The following SORCS1 variants were observed in gnomAD, a reference collection of about 807,000 sequenced individuals.
SORCS1 encodes the protein sortilin related VPS10 domain containing receptor 1, also known as VPS10 domain-containing receptor SorCS1.
SORCS1 carries 60 observed loss-of-function variants against 146.1 expected under a neutral mutation model. That is an observed-to-expected ratio of 0.41 (90% confidence interval 0.33 to 0.51). SORCS1 has a LOEUF of 0.51. Among genes scored for constraint, SORCS1 ranks in the 20% least tolerant of loss-of-function variants. The pLI is 0.21. For missense variants in SORCS1, 1,352 were observed against 1,487.6 expected, an observed-to-expected ratio of 0.91 and a Z score of 1.50; for synonymous variants, 637 against 584.0, an observed-to-expected ratio of 1.09 and a Z score of -1.31.
intron 5 of SORCS1, among the ~76,000 whole-genome samples, chr10:106,740,712 C>A (rs778343127): frequency 6.6e-6 from 1 of 152,226 alleles, no homozygotes; most frequent in Non-Finnish European, 1.5e-5. Flanking sequence ...GGCCACAAGG[C>A]TGTGCTCTTG....
chr10:106,827,103 C>G (rs970450684), intron 3 of SORCS1, among the ~76,000 whole-genome samples: 1 of 152,090 alleles, frequency 6.6e-6, no homozygotes. Flanking sequence ...TTGAGCATCT[C>G]ACTCCTTAAG....
At chr10:106,754,786 T>G (rs532668589) in intron 5 of SORCS1, among the ~76,000 whole-genome samples, 47 of 152,196 alleles carry the variant, frequency 3.1e-4, no homozygotes, top group Non-Finnish European at 5.7e-4. Context: ...CCTTGAAACA[T>G]AGCTGGCATT....
At chr10:107,152,935 G>A (rs1968945448) in intron 1 of SORCS1, among the ~76,000 whole-genome samples, 1 of 151,904 alleles carries the variant, frequency 6.6e-6, no homozygotes, top group African/African-American at 2.4e-5. Context: ...CTTTGCCTGT[G>A]GTCTCTCCGT....
At chr10:106,852,315 A>T (rs1949615981) in intron 2 of SORCS1, among the ~76,000 whole-genome samples, 1 of 152,116 alleles carries the variant, frequency 6.6e-6, no homozygotes, top group East Asian at 1.9e-4. Context: ...GGTATTTTGT[A>T]GATGTTTCTT....
intron 19 of SORCS1, among the ~76,000 whole-genome samples, chr10:106,623,438 G>T (rs1418213143): frequency 6.6e-6 from 1 of 151,924 alleles, no homozygotes; most frequent in Non-Finnish European, 1.5e-5. Flanking sequence ...TAGAGACAGG[G>T]TTTCACCATG....
At chr10:106,692,883 G>T (rs1439295268) in intron 9 of SORCS1, among the ~76,000 whole-genome samples, 2 of 151,724 alleles carry the variant, frequency 1.3e-5, no homozygotes, top group African/African-American at 4.8e-5. Context: ...ATACTAATAT[G>T]TTATTTACTA....
In SORCS1 at chr10:106,627,104, GTGT is replaced by G. The variant is rs1476745692; in HGVS notation, c.2662+2095_2662+2097del. Among the ~76,000 whole-genome samples the G allele has an allele frequency of 3.3e-5, 5 of 152,324 alleles. No homozygotes were observed. In the East Asian group the frequency reaches 7.7e-4, roughly 24 times the overall value. On this transcript the variant is annotated intron_variant, in intron 19 of 25. Transcript: ENST00000263054. ...TCTTAAGCAGAGACAATCTCTGTGT[GTGT>G]TGTTTTCCTCTCCAGGATTTCGTTA...
intron 4 of SORCS1, among the ~76,000 whole-genome samples, chr10:106,772,448 C>T: frequency 6.6e-6 from 1 of 151,542 alleles, no homozygotes; most frequent in Non-Finnish European, 1.5e-5. Context: ...TTCCCATAAT[C>T]AATCAATCAA....
intron 1 of SORCS1, among the ~76,000 whole-genome samples, chr10:107,032,598 C>T (rs943224449): frequency 2.0e-5 from 3 of 152,142 alleles, no homozygotes; most frequent in African/African-American, 7.2e-5. Context: ...GAGTCACTTG[C>T]TATAAATAAG....
chr10:106,613,388 C>T (rs934082041), intron 21 of SORCS1, among the ~76,000 whole-genome samples: 4 of 152,108 alleles, frequency 2.6e-5, no homozygotes, highest in Admixed American at 2.6e-4. Flanking sequence ...GACTACTCTG[C>T]AGTCTGAGGA....
intron 1 of SORCS1, among the ~76,000 whole-genome samples, chr10:107,129,670 G>A (rs894665960): frequency 7.2e-5 from 11 of 152,108 alleles, no homozygotes; most frequent in East Asian, 1.9e-4. Context: ...CATTCCAAAG[G>A]CTTCTTCGAA....
At chr10:107,172,758 T>A in the SORCS1 span, among the ~76,000 whole-genome samples, 1 of 152,168 alleles carries the variant, frequency 6.6e-6, no homozygotes, top group East Asian at 1.9e-4. Context: ...CCACCACAAA[T>A]GTCACATAAA....
At chr10:106,784,657 A>G (rs1293194904) in intron 3 of SORCS1, among the ~76,000 whole-genome samples, 1 of 152,194 alleles carries the variant, frequency 6.6e-6, no homozygotes, top group Non-Finnish European at 1.5e-5. Context: ...TCATTTTAAA[A>G]TGTTAGCTGC....
At chr10:106,915,988 T>C (rs566883557) in intron 2 of SORCS1, among the ~76,000 whole-genome samples, 104 of 152,338 alleles carry the variant, frequency 6.8e-4, no homozygotes, top group Middle Eastern at 3.4e-3. Context: ...CCTAAAAACC[T>C]TGATGGCTCT....
chr10:106,611,684 C>A (rs960251663), intron 22 of SORCS1, among the ~76,000 whole-genome samples: 1 of 152,168 alleles, frequency 6.6e-6, no homozygotes, highest in Non-Finnish European at 1.5e-5. Flanking sequence ...AGGCAAGGAC[C>A]CCATGTTTGT....
At chr10:106,626,562 G>A (rs1848127227) in intron 19 of SORCS1, among the ~76,000 whole-genome samples, 1 of 152,168 alleles carries the variant, frequency 6.6e-6, no homozygotes, top group Admixed American at 6.5e-5. Context: ...GTGTGACTCG[G>A]TTATGTTCTT....
At chr10:107,049,439 G>A (rs1331373860) in intron 1 of SORCS1, among the ~76,000 whole-genome samples, 3 of 152,010 alleles carry the variant, frequency 2.0e-5, no homozygotes, top group Non-Finnish European at 4.4e-5. Flanking sequence ...ACACCCCAGG[G>A]CAGGTGGTGA....
rs1844576698 is a variant in SORCS1 at position 106,576,330 on chromosome 10, A to T, written c.*1090T>A. On this transcript the variant is annotated 3_prime_UTR_variant, in exon 26 of 26. Coordinates refer to ENST00000263054, the MANE Select transcript of SORCS1 (RefSeq NM_052918.5). ...CCAGTATTTAGGAAACGTCAGGGTTAATGTCCAGAATCTAGCAATATGTTT... is the reference window on the plus strand; with the variant it reads ...CCAGTATTTAGGAAACGTCAGGGTTTATGTCCAGAATCTAGCAATATGTTT... 1 of 152,340 alleles carries T rather than the reference A, an allele frequency of 6.6e-6. No homozygotes were observed. The highest frequency in any genetic ancestry group is 2.4e-5 in the African/African-American group (1 of 41,466). The allele number at this position is 152,340 out of a possible 1,614,324, so 9.4% of individuals were successfully genotyped here.
chr10:107,118,007 A>G (rs1373776034), intron 1 of SORCS1, among the ~76,000 whole-genome samples: 1 of 152,172 alleles, frequency 6.6e-6, no homozygotes, highest in East Asian at 1.9e-4. Flanking sequence ...TCGAGGGGCT[A>G]TGGACAGAAT....
Sources: gnomAD v4.1 joint callset for allele counts (sites outside exome capture counted in the v4.1 genomes callset) on GRCh38, gnomAD v4.1.1 for gene constraint, MANE v1.5 for transcripts, NCBI Gene and HGNC (gene_info 2026-07-23, HGNC 2026-07-21) for gene names.